KCNH5: variants seen among roughly 807,000 people sequenced by gnomAD.
KCNH5 encodes the protein voltage-gated delayed rectifier potassium channel KCNH5.
KCNH5 carries 46 observed loss-of-function variants against 96.1 expected under a neutral mutation model. That is an observed-to-expected ratio of 0.48 (90% CI 0.38 to 0.61). The LOEUF is 0.61. KCNH5 is among the 20% of genes least tolerant of loss of function. The pLI is 0.00. For missense variants in KCNH5, 907 were observed against 1,225.8 expected (o/e 0.74, Z 3.88); for synonymous variants, 439 against 449.8 (o/e 0.98, Z 0.30).
chr14:62,823,745 G>A (rs1447182821), intron 8 of KCNH5, among the ~76,000 whole-genome samples: 1 of 151,972 alleles, frequency 6.6e-6, no homozygotes, highest in Non-Finnish European at 1.5e-5. Context: ...AAAATGATGA[G>A]TATAATCTTA....
At chr14:63,002,519 G>A (rs1480694324) in intron 3 of KCNH5, among the ~76,000 whole-genome samples, 1 of 152,150 alleles carries the variant, frequency 6.6e-6, no homozygotes, top group Non-Finnish European at 1.5e-5. Flanking sequence ...GTTTTTGTAA[G>A]GTTTAGGATT....
chr14:62,723,929 G>A (rs187154693), intron 10 of KCNH5, among the ~76,000 whole-genome samples: 17 of 152,202 alleles, frequency 1.1e-4, no homozygotes, highest in Middle Eastern at 3.4e-3. Flanking sequence ...ATTCTGGTAC[G>A]GTAGCCTTTT....
chr14:62,736,078 G>C (rs917511574), intron 10 of KCNH5, among the ~76,000 whole-genome samples: 7 of 152,180 alleles, frequency 4.6e-5, no homozygotes, highest in African/African-American at 1.7e-4. Flanking sequence ...ATAAATTGCT[G>C]TTTGTTTTGG....
At chr14:62,868,129 C>A (rs1888172296) in intron 7 of KCNH5, among the ~76,000 whole-genome samples, 1 of 152,204 alleles carries the variant, frequency 6.6e-6, no homozygotes, top group African/African-American at 2.4e-5. Flanking sequence ...GGGGGTAAAT[C>A]CTGACCCTCT....
chr14:62,890,477 C>T (rs1272022520), intron 7 of KCNH5, among the ~76,000 whole-genome samples: 3 of 151,630 alleles, frequency 2.0e-5, no homozygotes, highest in African/African-American at 7.3e-5. Context: ...GGGCGGATCA[C>T]GAGGTCAGGA....
chr14:62,769,759 C>T (rs531783293), intron 10 of KCNH5, among the ~76,000 whole-genome samples: 3 of 152,194 alleles, frequency 2.0e-5, no homozygotes, highest in Non-Finnish European at 4.4e-5. Context: ...TGCTGGGCAG[C>T]GTGACAGATT....
At position 62,950,236 on chromosome 14, in the gene KCNH5, A is replaced by G; in HGVS notation, c.1266T>C (p.Ser422=). 6.2e-7 allele frequency: 1 copy of G among 1,613,996 alleles called. No individual in the cohort carries two copies. The highest frequency in any genetic ancestry group is 8.5e-7 in the Non-Finnish European group (1 of 1,179,936). The change falls in exon 7 of 11, where the codon TCT becomes TCC. Residue 422 remains serine, a synonymous_variant. Coordinates refer to ENST00000322893, the MANE Select transcript of KCNH5 (RefSeq NM_139318.5). ...GPSKDSLYVS[S]LYFTMTSLTT... is the part of the protein sequence containing the mutation. ...TAAGGCTTGTCATGGTAAAGTAGAG[A>G]GAGGACACGTACAATGAATCCTTGC...
chr14:62,878,207 G>C (rs557458376), intron 7 of KCNH5, among the ~76,000 whole-genome samples: 14 of 130,584 alleles, frequency 1.1e-4, no homozygotes, highest in South Asian at 4.4e-4. Context: ...GGGATGGGGG[G>C]GGGGGCGGAG....
intron 7 of KCNH5, among the ~76,000 whole-genome samples, chr14:62,904,104 T>C (rs1249349179): frequency 6.6e-6 from 1 of 152,190 alleles, no homozygotes; most frequent in Non-Finnish European, 1.5e-5. Context: ...TTGTCACAAA[T>C]GCAAGCCACT....
intron 10 of KCNH5, among the ~76,000 whole-genome samples, chr14:62,753,402 A>G (rs1262883697): frequency 6.6e-6 from 1 of 152,206 alleles, no homozygotes; most frequent in Non-Finnish European, 1.5e-5. Context: ...AAGAGAAGGT[A>G]GAGAGACAGA....
intron 6 of KCNH5, among the ~76,000 whole-genome samples, chr14:62,952,483 T>C (rs1166054503): frequency 6.6e-6 from 1 of 152,146 alleles, no homozygotes; most frequent in Non-Finnish European, 1.5e-5. Flanking sequence ...TATGCCTCAC[T>C]TCTGCTCTAA....
chr14:63,018,796 TG>T (rs1891374748), intron 1 of KCNH5, among the ~76,000 whole-genome samples: 1 of 152,032 alleles, frequency 6.6e-6, no homozygotes, highest in Non-Finnish European at 1.5e-5. Flanking sequence ...TACAATGTAT[TG>T]ATATAATGTC....
chr14:62,746,769 T>C lies in KCNH5; in HGVS notation c.2019+32959A>G, dbSNP rs560796046. Among the ~76,000 whole-genome samples, 106 of 152,352 alleles carry C rather than the reference T, an allele frequency of 7.0e-4. 1 individual carries two copies. The South Asian group carries it at 0.021, about 30-fold the overall frequency. ...TGAGCAACTTTTCTTGAACGGAATA[T>C]TATTTTAAAAAGGTATCAGTTCACC... On this transcript the variant is annotated intron_variant, in intron 10 of 10. Transcript: ENST00000322893.
Position 62,889,042 on chromosome 14 carries a change from C to T in KCNH5, c.1370-39190G>A, listed in dbSNP as rs142034672. 3.2e-3 allele frequency among the ~76,000 whole-genome samples: 493 copies of T among 152,270 alleles called. 4 individuals are homozygous for T. The highest frequency in any genetic ancestry group is 0.011 in the African/African-American group (470 of 41,564). ...GGGTGATAACACCCTACAACAGTAA[C>T]GTCCTTGCAGTGGACATTCATGGGC... On this transcript the variant is annotated intron_variant, in intron 7 of 10. Coordinates refer to ENST00000322893, the MANE Select transcript of KCNH5 (RefSeq NM_139318.5).
chr14:62,960,046 A>G (rs1890177593), intron 6 of KCNH5, among the ~76,000 whole-genome samples: 1 of 152,122 alleles, frequency 6.6e-6, no homozygotes, highest in Non-Finnish European at 1.5e-5. Context: ...TTACCACTCT[A>G]GCTCCGTTCT....
At chr14:62,748,970 C>T (rs564556622) in intron 10 of KCNH5, among the ~76,000 whole-genome samples, 5 of 152,208 alleles carry the variant, frequency 3.3e-5, no homozygotes, top group South Asian at 4.2e-4. Flanking sequence ...TCAACCAAGC[C>T]GATAGCGTAT....
intron 1 of KCNH5, among the ~76,000 whole-genome samples, chr14:63,042,316 T>C (rs1296332134): frequency 6.6e-6 from 1 of 152,096 alleles, no homozygotes; most frequent in African/African-American, 2.4e-5. Flanking sequence ...ATATTCCTCT[T>C]TTCAGTTTTC....
chr14:62,958,927 C>T (rs1342189648), intron 6 of KCNH5, among the ~76,000 whole-genome samples: 1 of 152,074 alleles, frequency 6.6e-6, no homozygotes, highest in Non-Finnish European at 1.5e-5. Flanking sequence ...TCCATACCCT[C>T]TTCAACTACA....
chr14:63,021,886 CT>C (rs1891434807), intron 1 of KCNH5, among the ~76,000 whole-genome samples: 1 of 152,188 alleles, frequency 6.6e-6, no homozygotes, highest in Admixed American at 6.6e-5. Context: ...GCTCACCATT[CT>C]TTACCAATAA....
Sources: gnomAD v4.1 joint callset for allele counts (sites outside exome capture counted in the v4.1 genomes callset) on GRCh38, gnomAD v4.1.1 for gene constraint, MANE v1.5 for transcripts, NCBI Gene and HGNC (gene_info 2026-07-23, HGNC 2026-07-21) for gene names.